Variants in BORCS5 observed in about 807,000 individuals in gnomAD.
BORCS5 encodes the protein BLOC-1 related complex subunit 5.
BORCS5 carries 17 observed loss-of-function variants against 22.1 expected under a neutral mutation model. That is an observed-to-expected ratio of 0.77 (90% CI 0.53 to 1.15). The LOEUF is 1.15. BORCS5 is among the 50% of genes most tolerant of loss of function. BORCS5 has a pLI of 0.00. For missense variants in BORCS5, 247 were observed against 253.2 expected, an observed-to-expected ratio of 0.98 and a Z score of 0.17; for synonymous variants, 117 against 99.8, an observed-to-expected ratio of 1.17 and a Z score of -1.03.
intron 2 of BORCS5, among the ~76,000 whole-genome samples, chr12:12,419,187 C>G (rs1173745927): frequency 6.6e-6 from 1 of 152,178 alleles, no homozygotes; most frequent in African/African-American, 2.4e-5. Flanking sequence ...AATGCTATCC[C>G]TCCGCCAGCT....
chr12:12,409,378 C>A (rs1056497235), intron 2 of BORCS5, among the ~76,000 whole-genome samples: 14 of 150,258 alleles, frequency 9.3e-5, no homozygotes, highest in African/African-American at 2.5e-4. Flanking sequence ...CTCCTCCCCC[C>A]ACCCCACAAC....
intron 2 of BORCS5, among the ~76,000 whole-genome samples, chr12:12,426,065 C>T (rs1054067360): frequency 6.2e-4 from 94 of 152,200 alleles, no homozygotes; most frequent in African/African-American, 2.3e-3. Context: ...TAAATTTAGA[C>T]TCCCTCAACA....
At chr12:12,422,891 CTT>C (rs1336011346) in intron 2 of BORCS5, among the ~76,000 whole-genome samples, 1 of 150,306 alleles carries the variant, frequency 6.7e-6, no homozygotes, top group East Asian at 1.9e-4. Flanking sequence ...GTATCAGTCT[CTT>C]AACGCAGAAA....
intron 2 of BORCS5, among the ~76,000 whole-genome samples, chr12:12,401,501 A>G (rs915455790): frequency 2.6e-5 from 4 of 152,104 alleles, no homozygotes; most frequent in Admixed American, 2.0e-4. Flanking sequence ...CTTTTTTGCC[A>G]TATTTATTTT....
chr12:12,428,087 G>A (rs978842777), intron 2 of BORCS5, among the ~76,000 whole-genome samples: 1 of 152,172 alleles, frequency 6.6e-6, no homozygotes, highest in Admixed American at 6.5e-5. Flanking sequence ...GGATTCTGTA[G>A]CAGTAAATGG....
At chr12:12,362,903 G>T (rs943816066) in intron 2 of BORCS5, among the ~76,000 whole-genome samples, 1 of 151,498 alleles carries the variant, frequency 6.6e-6, no homozygotes, top group African/African-American at 2.4e-5. Context: ...CACCCACCTC[G>T]GCCTCCCAAA....
intron 2 of BORCS5, among the ~76,000 whole-genome samples, chr12:12,364,462 G>A (rs1201517908): frequency 6.6e-6 from 1 of 152,174 alleles, no homozygotes; most frequent in Non-Finnish European, 1.5e-5. Flanking sequence ...TTGTCTTCAC[G>A]TTGAGTAGGC....
chr12:12,383,826 T>C (rs1437772472), intron 2 of BORCS5, among the ~76,000 whole-genome samples: 1 of 151,220 alleles, frequency 6.6e-6, no homozygotes, highest in Admixed American at 6.6e-5. Context: ...CTTGGGGCCT[T>C]TGAGCTTCTT....
rs552938171 is a variant in BORCS5 at position 12,415,873 on chromosome 12, A to G, written c.203-19755A>G. On this transcript the variant is annotated intron_variant, in intron 2 of 3. Transcript: ENST00000314565. ...GTTAGGGAGTGTTTTCTCTGCTTCAATTTTTTGGGAAAGTCTAAAAAGGGT... is the reference window on the plus strand; with the variant it reads ...GTTAGGGAGTGTTTTCTCTGCTTCAGTTTTTTGGGAAAGTCTAAAAAGGGT... Among the ~76,000 whole-genome samples the G allele has an allele frequency of 5.5e-4, 84 of 152,238 alleles. 1 individual carries two copies. The highest frequency in any genetic ancestry group is 1.0e-3 in the Non-Finnish European group (68 of 68,008).
intron 3 of BORCS5, among the ~76,000 whole-genome samples, chr12:12,447,628 C>T (rs1405878809): frequency 2.0e-5 from 3 of 152,120 alleles, no homozygotes; most frequent in Non-Finnish European, 4.4e-5. Flanking sequence ...TCTTCAGGCA[C>T]GGGGTGGAGG....
chr12:12,447,431 T>C (rs186591518), intron 3 of BORCS5, among the ~76,000 whole-genome samples: 4 of 152,270 alleles, frequency 2.6e-5, no homozygotes, highest in Admixed American at 1.3e-4. Context: ...TGTGGTAAAG[T>C]TGAGTCGGTG....
chr12:12,363,595 G>A (rs1327861644), intron 2 of BORCS5, among the ~76,000 whole-genome samples: 2 of 152,116 alleles, frequency 1.3e-5, no homozygotes, highest in African/African-American at 2.4e-5. Context: ...AAATTAGCCG[G>A]GTGTGGTGGC....
intron 3 of BORCS5, among the ~76,000 whole-genome samples, chr12:12,456,633 C>T (rs1014827406): frequency 6.6e-6 from 1 of 152,066 alleles, no homozygotes; most frequent in African/African-American, 2.4e-5. Flanking sequence ...GCATGTACGC[C>T]TATGTATTTT....
chr12:12,471,049 C>G lies in BORCS5; in HGVS notation c.*5273C>G, dbSNP rs1943291409. Among the ~76,000 whole-genome samples, 1 of 152,204 alleles carries G rather than the reference C, an allele frequency of 6.6e-6. No homozygotes were observed. The highest frequency in any genetic ancestry group is 1.5e-5 in the Non-Finnish European group (1 of 68,036). On this transcript the variant is annotated 3_prime_UTR_variant, in exon 4 of 4. Coordinates refer to ENST00000314565, the MANE Select transcript of BORCS5 (RefSeq NM_058169.6). The stretch of plus-strand genomic sequence containing the variant: ...AGAGAACACAGACCATTACTGAATG[C>G]TCTTCAGGTTACCCTATTTGCCTGT...
chr12:12,357,636 GAAAA>G (rs879543539), intron 1 of BORCS5, 127 bp downstream of exon 1: 3 of 793,038 alleles, frequency 3.8e-6, no homozygotes, highest in Non-Finnish European at 5.2e-6. Flanking sequence ...GTGCTAGTAG[GAAAA>G]AAAAAAAGTC....
rs2287204 is a variant in BORCS5 at position 12,470,857 on chromosome 12, C to T, written c.*5081C>T. The stretch of plus-strand genomic sequence containing the variant: ...GCTGGTGTGTGCGTGTCCATGCCTC[C>T]GGGATTTTTCCAGGGTTATCAATGT... On this transcript the variant is annotated 3_prime_UTR_variant, in exon 4 of 4. Transcript: ENST00000314565. 0.064 allele frequency among the ~76,000 whole-genome samples: 9,661 copies of T among 151,958 alleles called. 434 individuals are homozygous for T. Among genetic ancestry groups the T allele is most frequent in the East Asian group, 0.17 (897 of 5,148 alleles).
intron 2 of BORCS5, among the ~76,000 whole-genome samples, chr12:12,371,592 C>A (rs998810731): frequency 6.6e-6 from 1 of 152,154 alleles, no homozygotes; most frequent in African/African-American, 2.4e-5. Flanking sequence ...CCATGCCTGG[C>A]CTATATTTTC....
chr12:12,461,753 C>T (rs1036732527), intron 3 of BORCS5, among the ~76,000 whole-genome samples: 3 of 152,054 alleles, frequency 2.0e-5, no homozygotes, highest in African/African-American at 4.8e-5. Flanking sequence ...GAGTGCATGC[C>T]GGCTGCCTTT....
At chr12:12,372,489 G>C (rs570929072) in intron 2 of BORCS5, among the ~76,000 whole-genome samples, 113 of 152,236 alleles carry the variant, frequency 7.4e-4, no homozygotes, top group African/African-American at 2.6e-3. Context: ...GGGATTACAG[G>C]CATGCACCAC....
Sources: allele counts gnomAD v4.1 joint callset (sites outside exome capture counted in the v4.1 genomes callset), GRCh38; gene constraint gnomAD v4.1.1; transcripts MANE v1.5; gene names NCBI Gene and HGNC (gene_info 2026-07-23, HGNC 2026-07-21).